Variants in B3GALT1 observed in about 807,000 individuals in gnomAD.
The protein encoded by B3GALT1 is beta-1,3-galactosyltransferase 1.
A neutral mutation model predicts 23.2 loss-of-function variants in B3GALT1; 10 were observed. The ratio of observed to expected loss-of-function variants is 0.43; its 90% confidence interval spans 0.27 to 0.73. The LOEUF (loss-of-function observed/expected upper bound fraction) is 0.73. Among genes scored for constraint, B3GALT1 ranks in the 30% least tolerant of loss-of-function variants. B3GALT1 has a pLI of 0.21. For synonymous variants in B3GALT1, 156 were observed against 141.5 expected, an observed-to-expected ratio of 1.10 and a Z score of -0.73; for missense variants, 299 against 405.4, an observed-to-expected ratio of 0.74 and a Z score of 2.25.
At chr2:167,582,248 C>T (rs781777237) in intron 2 of B3GALT1, among the ~76,000 whole-genome samples, 6 of 152,290 alleles carry the variant, frequency 3.9e-5, no homozygotes, top group Non-Finnish European at 7.4e-5. Flanking sequence ...TCTTCAAACT[C>T]ACCCTGAAGC....
chr2:167,694,998 G>T (rs1686770757), intron 3 of B3GALT1, among the ~76,000 whole-genome samples: 1 of 152,058 alleles, frequency 6.6e-6, no homozygotes, highest in South Asian at 2.1e-4. Context: ...ATTCTGGATT[G>T]CTCTTGTTCC....
At chr2:167,654,501 C>T (rs1659467150) in intron 3 of B3GALT1, among the ~76,000 whole-genome samples, 1 of 151,786 alleles carries the variant, frequency 6.6e-6, no homozygotes. Flanking sequence ...TTTTCTCTCT[C>T]TCTCTTTCTT....
chr2:167,624,028 C>A (rs531247124), intron 2 of B3GALT1, among the ~76,000 whole-genome samples: 1 of 152,104 alleles, frequency 6.6e-6, no homozygotes, highest in East Asian at 1.9e-4. Context: ...GAGGAATCAT[C>A]TGATCTCAGT....
chr2:167,743,447 A>G (rs1687605770), intron 3 of B3GALT1, among the ~76,000 whole-genome samples: 1 of 152,058 alleles, frequency 6.6e-6, no homozygotes, highest in South Asian at 2.1e-4. Context: ...TTGTAGTATT[A>G]ATTTCTATAT....
chr2:167,832,841 C>A (rs1308563255), intron 4 of B3GALT1, among the ~76,000 whole-genome samples: 1 of 152,158 alleles, frequency 6.6e-6, no homozygotes, highest in Non-Finnish European at 1.5e-5. Flanking sequence ...TACAAAGCAA[C>A]GTAAAGTAAA....
chr2:167,832,491 G>A (rs1005982599), intron 4 of B3GALT1, among the ~76,000 whole-genome samples: 53 of 152,096 alleles, frequency 3.5e-4, no homozygotes, highest in African/African-American at 1.2e-3. Flanking sequence ...AAAATCCAAA[G>A]TTATGAGAAT....
chr2:167,767,747 G>A (rs866848654), intron 3 of B3GALT1, among the ~76,000 whole-genome samples: 5 of 152,238 alleles, frequency 3.3e-5, no homozygotes, highest in African/African-American at 1.2e-4. Flanking sequence ...GGAGAATTGT[G>A]TGAAAAATTG....
intron 3 of B3GALT1, among the ~76,000 whole-genome samples, chr2:167,694,622 G>A (rs34655387): frequency 0.17 from 25,302 of 152,062 alleles, 2,615 homozygotes; most frequent in Non-Finnish European, 0.24. Context: ...TGTTCATCAA[G>A]GAGAAGGCAC....
chr2:167,463,224 A>G (rs1245488604), intron 1 of B3GALT1, among the ~76,000 whole-genome samples: 1 of 152,124 alleles, frequency 6.6e-6, no homozygotes, highest in Admixed American at 6.5e-5. Context: ...GCCAAATTTT[A>G]AGATCTATAA....
chr2:167,635,944 A>G (rs181839104), intron 2 of B3GALT1, among the ~76,000 whole-genome samples: 7 of 152,230 alleles, frequency 4.6e-5, no homozygotes, highest in East Asian at 3.9e-4. Context: ...TTCAAACTAT[A>G]CTACAAGGCT....
At chr2:167,482,584 C>T (rs1377121648) in intron 1 of B3GALT1, among the ~76,000 whole-genome samples, 1 of 152,172 alleles carries the variant, frequency 6.6e-6, no homozygotes, top group Non-Finnish European at 1.5e-5. Context: ...CTTCGAACCC[C>T]AGTGTTAAAT....
At chr2:167,789,439 A>G (rs902189917) in intron 3 of B3GALT1, among the ~76,000 whole-genome samples, 30 of 152,298 alleles carry the variant, frequency 2.0e-4, no homozygotes, top group African/African-American at 6.7e-4. Flanking sequence ...TATCTGCTTT[A>G]TAGGATTGTC....
chr2:167,638,724 A>G (rs1427186323), intron 2 of B3GALT1, among the ~76,000 whole-genome samples: 1 of 152,188 alleles, frequency 6.6e-6, no homozygotes, highest in African/African-American at 2.4e-5. Context: ...ATTAAAAAAG[A>G]GGGGGTTAGG....
intron 3 of B3GALT1, among the ~76,000 whole-genome samples, chr2:167,799,054 C>T (rs868666376): frequency 2.6e-5 from 4 of 152,130 alleles, no homozygotes; most frequent in South Asian, 2.1e-4. Context: ...CTTAATGTTT[C>T]GAGGTGCTTT....
intron 2 of B3GALT1, among the ~76,000 whole-genome samples, chr2:167,570,686 C>T (rs959955475): frequency 4.6e-5 from 7 of 151,704 alleles, no homozygotes; most frequent in Non-Finnish European, 1.5e-5. Context: ...AAATTCATGT[C>T]CTTTAGTTTT....
At chr2:167,596,619 C>A (rs2105420114) in intron 2 of B3GALT1, among the ~76,000 whole-genome samples, 1 of 152,176 alleles carries the variant, frequency 6.6e-6, no homozygotes, top group East Asian at 1.9e-4. Flanking sequence ...TTGAAATTCA[C>A]CTAATTTCTC....
chr2:167,820,966 T>C (rs1558990773), intron 4 of B3GALT1, among the ~76,000 whole-genome samples: 1 of 152,202 alleles, frequency 6.6e-6, no homozygotes, highest in Non-Finnish European at 1.5e-5. Flanking sequence ...AATCAAACTC[T>C]CATATTTTAT....
At chr2:167,619,856 T>C (rs1685225963) in intron 2 of B3GALT1, among the ~76,000 whole-genome samples, 2 of 152,240 alleles carry the variant, frequency 1.3e-5, no homozygotes, top group African/African-American at 2.4e-5. Context: ...TGGCCAGATA[T>C]GATGTTAGGA....
intron 4 of B3GALT1, among the ~76,000 whole-genome samples, chr2:167,827,707 C>A (rs1201454789): frequency 1.3e-5 from 2 of 152,214 alleles, no homozygotes; most frequent in Admixed American, 6.5e-5. Context: ...GCAAGCTGTG[C>A]TTCAGCCACT....
Sources: allele counts gnomAD v4.1 joint callset (sites outside exome capture counted in the v4.1 genomes callset), GRCh38; gene constraint gnomAD v4.1.1; transcripts MANE v1.5; gene names NCBI Gene and HGNC (gene_info 2026-07-23, HGNC 2026-07-21).